CHD9: variants seen among roughly 807,000 people sequenced by gnomAD.
CHD9 encodes the protein ATP-dependent chromatin remodeler CHD9.
In CHD9, 77 loss-of-function variants were observed where a neutral mutation model predicts 316.1. The observed-to-expected ratio is 0.24, with a 90% CI of 0.20 to 0.29. The LOEUF (loss-of-function observed/expected upper bound fraction) is 0.29. CHD9 is among the 10% of genes least tolerant of loss of function. The probability of loss-of-function intolerance (pLI) is 1.00; values close to 1 mark genes in which losing one functional copy is unlikely to be tolerated. For synonymous variants in CHD9, 1,129 were observed against 1,158.3 expected (o/e 0.97, Z 0.51); for missense variants, 2,763 against 3,438.1 (o/e 0.80, Z 4.91).
intron 26 of CHD9, among the ~76,000 whole-genome samples, chr16:53,286,692 A>G (rs2053903230): frequency 6.6e-6 from 1 of 152,198 alleles, no homozygotes; most frequent in African/African-American, 2.4e-5. Flanking sequence ...TTACATAGTC[A>G]TCCCTCAATA....
At position 53,209,727 on chromosome 16, in the gene CHD9, A is replaced by C; in HGVS notation, c.1698A>C (p.Lys566Asn). 6.2e-7 allele frequency: 1 copy of C among 1,613,870 alleles called. No homozygotes were observed. The highest frequency in any genetic ancestry group is 1.6e-4 in the Middle Eastern group (1 of 6,062). The change falls in exon 3 of 39, where the codon AAA (lysine) becomes AAC (asparagine). Residue 566 changes from lysine (K) to asparagine (N), a missense_variant. By Grantham distance (94) the Lys-to-Asn change is moderately conservative (BLOSUM62 0). Transcript: ENST00000447540. The stretch of plus-strand genomic sequence containing the variant: ...CAGTTGAAGGAAAAGAGGAAAAGAA[A>C]GGTAGAAGGATGAAATCCAAGCCAA... ...TASVEGKEEK[K>N]GRRMKSKPKD... is the part of the protein sequence containing the mutation.
intron 1 of CHD9, among the ~76,000 whole-genome samples, chr16:53,122,745 C>T (rs983009222): frequency 9.9e-5 from 15 of 151,552 alleles, no homozygotes; most frequent in South Asian, 2.1e-4. Flanking sequence ...CTCGCTCTGT[C>T]GCCCAGGCTG....
At chr16:53,213,557 A>C (rs2046498783) in intron 3 of CHD9, among the ~76,000 whole-genome samples, 1 of 152,244 alleles carries the variant, frequency 6.6e-6, no homozygotes. Flanking sequence ...AGGCTAATCC[A>C]TTCATAAAAC....
intron 2 of CHD9, among the ~76,000 whole-genome samples, chr16:53,171,713 G>A (rs2098206032): frequency 1.3e-5 from 2 of 151,488 alleles, no homozygotes; most frequent in Admixed American, 6.6e-5. Flanking sequence ...GTAGCCAAGT[G>A]TGGTGATACG....
intron 29 of CHD9, among the ~76,000 whole-genome samples, chr16:53,296,279 A>G (rs1387857053): frequency 1.3e-5 from 2 of 152,178 alleles, no homozygotes; most frequent in African/African-American, 2.4e-5. Context: ...GGGCAGGATC[A>G]TCTTACATGA....
At chr16:53,148,660 G>C (rs1274576399) in intron 1 of CHD9, among the ~76,000 whole-genome samples, 3 of 152,170 alleles carry the variant, frequency 2.0e-5, no homozygotes, top group Non-Finnish European at 2.9e-5. Context: ...AATATCGAAT[G>C]AAGTTCTTTG....
At chr16:53,160,731 A>AC (rs1223913090) in intron 2 of CHD9, among the ~76,000 whole-genome samples, 2 of 151,892 alleles carry the variant, frequency 1.3e-5, no homozygotes, top group Non-Finnish European at 2.9e-5. Context: ...ACATGGTGAA[A>AC]CCCCGTCTCT....
chr16:53,086,439 T>A (rs922717394), intron 1 of CHD9, among the ~76,000 whole-genome samples: 1 of 152,192 alleles, frequency 6.6e-6, no homozygotes, highest in Non-Finnish European at 1.5e-5. Context: ...TAACTGTCCC[T>A]GCCTGTCAGC....
At chr16:53,163,308 T>A (rs1597230371) in intron 2 of CHD9, among the ~76,000 whole-genome samples, 1 of 152,266 alleles carries the variant, frequency 6.6e-6, no homozygotes, top group African/African-American at 2.4e-5. Context: ...CATCCCAGTT[T>A]CAAGCAATTC....
chr16:53,325,156 T>C lies in CHD9; in HGVS notation c.*261T>C. 2 of 305,206 alleles carry C rather than the reference T, an allele frequency of 6.6e-6. No homozygotes were observed. Among genetic ancestry groups the C allele is most frequent in the Non-Finnish European group, 1.2e-5 (2 of 165,086 alleles). The allele number at this position is 305,206 out of a possible 1,614,324, so 18.9% of individuals were successfully genotyped here. ...GCATTATAATTTTGTTGGGGGTTAA[T>C]TTTATGAAAATTATGCTCAATAAGA... On this transcript the variant is annotated 3_prime_UTR_variant, in exon 39 of 39. Coordinates refer to ENST00000447540, the MANE Select transcript of CHD9 (RefSeq NM_001308319.2).
chr16:53,090,028 C>T (rs527453337), intron 1 of CHD9, among the ~76,000 whole-genome samples: 1 of 152,328 alleles, frequency 6.6e-6, no homozygotes, highest in Admixed American at 6.5e-5. Context: ...GAGCCAAGAG[C>T]ATCCTTTGCC....
chr16:53,215,074 G>A (rs548116471), intron 3 of CHD9, among the ~76,000 whole-genome samples: 9 of 151,974 alleles, frequency 5.9e-5, no homozygotes, highest in Non-Finnish European at 1.3e-4. Context: ...CACCACGCCC[G>A]GCTAATTTTT....
At chr16:53,100,841 CTGTAATATGGGGATTTT>C (rs2036811996) in intron 1 of CHD9, among the ~76,000 whole-genome samples, 1 of 152,194 alleles carries the variant, frequency 6.6e-6, no homozygotes, top group African/African-American at 2.4e-5. Flanking sequence ...TGTCTCCAAT[CTGTAATATGGGGATTTT>C]TAATAAAACC....
intron 1 of CHD9, among the ~76,000 whole-genome samples, chr16:53,134,221 G>T (rs1479324218): frequency 6.6e-6 from 1 of 152,194 alleles, no homozygotes; most frequent in Non-Finnish European, 1.5e-5. Flanking sequence ...GAAGCATGTT[G>T]TAAGTGCTTG....
Position 53,321,570 on chromosome 16 carries a change from C to A in CHD9, c.7758C>A (p.Phe2586Leu). 1 of 1,552,122 alleles carries A rather than the reference C, an allele frequency of 6.4e-7. No individual in the cohort carries two copies. The part of the protein sequence containing the change: ...FAPPLKDLCR[F>L]LKENSEYGVA... ...CCCCTTTGAAAGATTTATGTAGATT[C>A]CTAAAAGAAAATTCAGAATATGGAG... Residue 2586 changes from phenylalanine (F) to leucine (L), a missense_variant, in exon 38 of 39, where the codon TTC (phenylalanine) becomes TTA (leucine). Physicochemically the swap from Phe to Leu is conservative, Grantham distance 22. Transcript: ENST00000447540.
intron 1 of CHD9, among the ~76,000 whole-genome samples, chr16:53,148,791 C>T (rs1461983440): frequency 6.6e-6 from 1 of 152,084 alleles, no homozygotes; most frequent in Non-Finnish European, 1.5e-5. Context: ...CTGTTGGTTG[C>T]CTTTTTATTA....
chr16:53,081,657 G>T (rs904039068), intron 1 of CHD9, among the ~76,000 whole-genome samples: 1 of 152,054 alleles, frequency 6.6e-6, no homozygotes, highest in African/African-American at 2.4e-5. Context: ...GCATGATAGT[G>T]GTTCACTGCA....
At chr16:53,250,121 G>A in intron 17 of CHD9, 55 bp downstream of exon 17, 1 of 1,280,232 alleles carries the variant, frequency 7.8e-7, no homozygotes, top group South Asian at 1.4e-5. Context: ...GTAAAATTGT[G>A]TAACTTTTTG....
rs765829740 is a variant in CHD9 at position 53,287,986 on chromosome 16, C to T, written c.5219C>T (p.Ala1740Val). 1 of 1,610,636 alleles carries T rather than the reference C, an allele frequency of 6.2e-7. No individual in the cohort carries two copies. The highest frequency in any genetic ancestry group is 2.2e-5 in the East Asian group (1 of 44,862). ...GTGGAAGATCCAGAATACAAACCTG[C>T]CCCAGCCATCTTTAAAGATGATATA... ...GDVEDPEYKP[A>V]PAIFKDDIED... Residue 1740 changes from alanine to valine, a missense_variant, in exon 27 of 39, where the codon GCC becomes GTC. Physicochemically the swap from Ala to Val is moderately conservative, Grantham distance 64. Transcript: ENST00000447540.
Sources: allele counts gnomAD v4.1 joint callset (sites outside exome capture counted in the v4.1 genomes callset), GRCh38; gene constraint gnomAD v4.1.1; transcripts MANE v1.5; gene names NCBI Gene and HGNC (gene_info 2026-07-23, HGNC 2026-07-21).